EFCAB11: variants seen among roughly 807,000 people sequenced by gnomAD.
EFCAB11 encodes EF-hand calcium binding domain 11.
EFCAB11 carries 14 observed loss-of-function variants against 23.0 expected under a neutral mutation model. The observed-to-expected ratio is 0.61, with a 90% CI of 0.40 to 0.95. The LOEUF (loss-of-function observed/expected upper bound fraction) is 0.95, where lower values mean the gene tolerates loss of function less well. EFCAB11 is among the 40% of genes least tolerant of loss of function. EFCAB11 has a pLI of 0.00. For missense variants in EFCAB11, 198 were observed against 195.8 expected (o/e 1.01, Z -0.07); for synonymous variants, 65 against 66.6 (o/e 0.98, Z 0.11).
At chr14:89,905,003 C>G (rs1889453070) in intron 5 of EFCAB11, among the ~76,000 whole-genome samples, 1 of 152,070 alleles carries the variant, frequency 6.6e-6, no homozygotes, top group Non-Finnish European at 1.5e-5. Context: ...CAAAGTAAGT[C>G]ACAAGTCAGC....
intron 5 of EFCAB11, among the ~76,000 whole-genome samples, chr14:89,861,942 GAC>G (rs1887938047): frequency 6.6e-6 from 1 of 152,170 alleles, no homozygotes; most frequent in Admixed American, 6.5e-5. Flanking sequence ...ACAAAAAATT[GAC>G]AGAGACACAA....
At chr14:89,949,983 C>T (rs1169528762) in intron 3 of EFCAB11, 114 bp downstream of exon 3, 17 of 1,162,544 alleles carry the variant, frequency 1.5e-5, no homozygotes, top group Non-Finnish European at 2.0e-5. Flanking sequence ...TTACCTTCCA[C>T]CAGGTCCCTT....
At chr14:89,811,040 G>A (rs550871831) in intron 5 of EFCAB11, among the ~76,000 whole-genome samples, 93 of 152,190 alleles carry the variant, frequency 6.1e-4, no homozygotes, top group Middle Eastern at 6.8e-3. Flanking sequence ...CGAGAACTGG[G>A]CAGCAGGTCA....
At chr14:89,899,563 G>T (rs1889280438) in intron 5 of EFCAB11, among the ~76,000 whole-genome samples, 1 of 152,068 alleles carries the variant, frequency 6.6e-6, no homozygotes, top group Non-Finnish European at 1.5e-5. Flanking sequence ...GGCCACAAGT[G>T]GGTAAAAATT....
intron 5 of EFCAB11, among the ~76,000 whole-genome samples, chr14:89,829,330 C>T (rs553749871): frequency 6.6e-6 from 1 of 152,222 alleles, no homozygotes; most frequent in African/African-American, 2.4e-5. Flanking sequence ...TAATGTTGTA[C>T]TAAAAATTAT....
At chr14:89,884,514 AC>A (rs1888693562) in intron 5 of EFCAB11, among the ~76,000 whole-genome samples, 1 of 152,220 alleles carries the variant, frequency 6.6e-6, no homozygotes, top group African/African-American at 2.4e-5. Flanking sequence ...ATACCTGCTC[AC>A]ATAACTTTTA....
intron 5 of EFCAB11, among the ~76,000 whole-genome samples, chr14:89,921,265 AT>A (rs1454517268): frequency 6.6e-6 from 1 of 152,142 alleles, no homozygotes; most frequent in African/African-American, 2.4e-5. Flanking sequence ...GTAGGATGAA[AT>A]ACTGGGGGAC....
At chr14:89,881,746 C>G (rs907168179) in intron 5 of EFCAB11, among the ~76,000 whole-genome samples, 1 of 151,780 alleles carries the variant, frequency 6.6e-6, no homozygotes, top group Non-Finnish European at 1.5e-5. Context: ...CTGTGCCTGG[C>G]CTGGAACTAA....
At chr14:89,912,118 A>G (rs1181197665) in intron 5 of EFCAB11, among the ~76,000 whole-genome samples, 4 of 152,248 alleles carry the variant, frequency 2.6e-5, no homozygotes, top group Non-Finnish European at 5.9e-5. Context: ...GGCAGTGGCT[A>G]ATCAACAAGC....
chr14:89,814,201 C>G (rs749998661), intron 5 of EFCAB11, among the ~76,000 whole-genome samples: 1 of 151,702 alleles, frequency 6.6e-6, no homozygotes, highest in Non-Finnish European at 1.5e-5. Flanking sequence ...GAAGTGAGAA[C>G]TTTTCATGTC....
At chr14:89,850,706 T>A (rs997103023) in intron 5 of EFCAB11, among the ~76,000 whole-genome samples, 2 of 152,196 alleles carry the variant, frequency 1.3e-5, no homozygotes, top group Admixed American at 6.5e-5. Flanking sequence ...CAATAACCAA[T>A]CTTGTCAAAA....
At chr14:89,873,811 C>T (rs1408732273) in intron 5 of EFCAB11, among the ~76,000 whole-genome samples, 1 of 152,204 alleles carries the variant, frequency 6.6e-6, no homozygotes, top group Non-Finnish European at 1.5e-5. Flanking sequence ...GAAGCTCTGC[C>T]CCTGTGGCTT....
intron 2 of EFCAB11, chr14:89,952,325 C>T: frequency 1.2e-6 from 1 of 858,510 alleles, no homozygotes; most frequent in Non-Finnish European, 1.4e-6. Context: ...TCATTAAATT[C>T]CTCATTCTAA....
chr14:89,829,751 T>C (rs114926761), intron 5 of EFCAB11: 14 of 152,298 alleles, frequency 9.2e-5, no homozygotes, highest in Non-Finnish European at 1.8e-4. Context: ...TTAAATGACA[T>C]AGTGATGATT....
intron 5 of EFCAB11, among the ~76,000 whole-genome samples, chr14:89,905,959 T>C (rs780952677): frequency 6.6e-6 from 1 of 152,146 alleles, no homozygotes; most frequent in Non-Finnish European, 1.5e-5. Flanking sequence ...GGGATGAGGA[T>C]GATGACTTTC....
intron 5 of EFCAB11, among the ~76,000 whole-genome samples, chr14:89,840,766 T>C (rs554377242): frequency 1.3e-5 from 2 of 152,214 alleles, no homozygotes; most frequent in East Asian, 3.9e-4. Context: ...TAACTGAAGA[T>C]TTAACCTGGT....
At chr14:89,939,683 T>C (rs1047347456) in intron 3 of EFCAB11, among the ~76,000 whole-genome samples, 1 of 152,230 alleles carries the variant, frequency 6.6e-6, no homozygotes. Context: ...ATAATAGTAA[T>C]ATAACATCTG....
At chr14:89,804,391 C>A (rs934284425) in intron 5 of EFCAB11, among the ~76,000 whole-genome samples, 1 of 152,238 alleles carries the variant, frequency 6.6e-6, no homozygotes, top group African/African-American at 2.4e-5. Context: ...GTGAAGACTG[C>A]ATCCTTATGG....
chr14:89,928,749 T>A (rs2095784524), intron 5 of EFCAB11, among the ~76,000 whole-genome samples: 1 of 97,830 alleles, frequency 1.0e-5, no homozygotes, highest in Non-Finnish European at 1.9e-5. Context: ...CTGATTATAT[T>A]AATTATATAA....
Sources: gnomAD v4.1 joint callset for allele counts (sites outside exome capture counted in the v4.1 genomes callset) on GRCh38, gnomAD v4.1.1 for gene constraint, MANE v1.5 for transcripts, NCBI Gene and HGNC (gene_info 2026-07-23, HGNC 2026-07-21) for gene names.